WDR59: variants seen among roughly 807,000 people sequenced by gnomAD.
WDR59 encodes the protein WD repeat domain 59, also known as GATOR2 complex protein WDR59.
In WDR59, 100 loss-of-function variants were observed where a neutral mutation model predicts 131.2. The observed-to-expected ratio is 0.76, with a 90% confidence interval of 0.65 to 0.90. The LOEUF (loss-of-function observed/expected upper bound fraction) is 0.90. Ranked by LOEUF, WDR59 falls within the 40% of genes least tolerant of loss-of-function variation. The pLI is 0.00. For synonymous variants in WDR59, 601 were observed against 466.2 expected (o/e 1.29, Z -3.72); for missense variants, 1,203 against 1,262.2 (o/e 0.95, Z 0.71).
Position 74,951,527 on chromosome 16 carries a change from T to C in WDR59, c.257A>G (p.Asp86Gly), listed in dbSNP as rs1303368202. ...YFAASSNQRVDLYKWKDGSGE... is the reference protein window; with the variant it reads ...YFAASSNQRVGLYKWKDGSGE... ...ACTGCCGTCTTTCCACTTGTAAAGG[T>C]CTACTCGTTGGTTACTCTGAAAAGA... Residue 86 changes from aspartate (D) to glycine (G), a missense_variant, in exon 4 of 26, where the codon GAC becomes GGC. Asp to Gly is a moderately conservative substitution (Grantham distance 94). Coordinates refer to ENST00000262144, the MANE Select transcript of WDR59 (RefSeq NM_030581.4). 12 of 1,597,826 alleles carry C rather than the reference T, an allele frequency of 7.5e-6. No individual in the cohort carries two copies. The highest frequency in any genetic ancestry group is 1.7e-4 in the Middle Eastern group (1 of 6,056).
At chr16:74,958,825 G>C (rs894228803) in intron 2 of WDR59, among the ~76,000 whole-genome samples, 9 of 135,008 alleles carry the variant, frequency 6.7e-5, no homozygotes, top group Admixed American at 2.3e-4. Context: ...CACTGTGGGA[G>C]GCCGAGGCGG....
intron 3 of WDR59, among the ~76,000 whole-genome samples, chr16:74,955,161 C>T (rs753443501): frequency 1.3e-5 from 2 of 152,190 alleles, no homozygotes; most frequent in South Asian, 2.1e-4. Flanking sequence ...CGAACAAATG[C>T]AGTGTTAATC....
chr16:74,900,005 C>T (rs1965472787), intron 18 of WDR59, among the ~76,000 whole-genome samples: 1 of 152,082 alleles, frequency 6.6e-6, no homozygotes. Context: ...CTTTTAGTCA[C>T]ATTTCAAGGT....
intron 18 of WDR59, among the ~76,000 whole-genome samples, chr16:74,901,702 T>G (rs9926494): frequency 0.075 from 11,172 of 149,592 alleles, 1,081 homozygotes; most frequent in African/African-American, 0.23. Flanking sequence ...AGAAATTTAG[T>G]AGACTGGAAT....
intron 1 of WDR59, chr16:74,979,005 A>G (rs1208842109): frequency 6.6e-6 from 1 of 152,210 alleles, no homozygotes; most frequent in Non-Finnish European, 1.5e-5. Context: ...ACATTCCAGC[A>G]TCTTACCTTT....
intron 3 of WDR59, among the ~76,000 whole-genome samples, chr16:74,954,640 T>C (rs1216688024): frequency 3.9e-5 from 6 of 152,172 alleles, no homozygotes; most frequent in Non-Finnish European, 7.3e-5. Context: ...GCAATTCCAC[T>C]CTTAGATGTT....
At position 74,956,526 on chromosome 16, in the gene WDR59, T is replaced by A. The variant is rs1055510658; in HGVS notation, c.189A>T (p.Gly63=). 1 of 1,614,030 alleles carries A rather than the reference T, an allele frequency of 6.2e-7. No homozygotes were observed. The highest frequency in any genetic ancestry group is 8.5e-7 in the Non-Finnish European group (1 of 1,180,020). Residue 63 remains glycine, a synonymous_variant, in exon 3 of 26, where the codon GGA becomes GGT. Transcript: ENST00000262144. ...KISRQSKWDI[G]AVQWNPHDSF... is the part of the protein sequence containing the mutation. ...TGTCATGAGGATTCCACTGCACAGCTCCAATGTCCCATTTGCTCTGGCGAG... is the reference window on the plus strand; with the variant it reads ...TGTCATGAGGATTCCACTGCACAGCACCAATGTCCCATTTGCTCTGGCGAG...
At chr16:74,961,256 C>T (rs192603630) in intron 2 of WDR59, among the ~76,000 whole-genome samples, 5 of 152,036 alleles carry the variant, frequency 3.3e-5, no homozygotes, top group Admixed American at 3.3e-4. Flanking sequence ...TGCAGTGAGC[C>T]GTGATCTGCA....
At chr16:74,922,681 A>G (rs1282210188) in intron 9 of WDR59, among the ~76,000 whole-genome samples, 1 of 152,224 alleles carries the variant, frequency 6.6e-6, no homozygotes, top group Non-Finnish European at 1.5e-5. Context: ...GTTGATAATT[A>G]GACTCTGTTA....
At chr16:74,964,493 T>C (rs1387926425) in intron 2 of WDR59, among the ~76,000 whole-genome samples, 1 of 151,558 alleles carries the variant, frequency 6.6e-6, no homozygotes, top group East Asian at 1.9e-4. Flanking sequence ...TCCAGGGAGG[T>C]GGTCAGAGGT....
chr16:74,943,577 C>T (rs894090381), intron 6 of WDR59, among the ~76,000 whole-genome samples: 1 of 152,180 alleles, frequency 6.6e-6, no homozygotes, highest in African/African-American at 2.4e-5. Context: ...CACAGTGGCA[C>T]CTCTAGCTGA....
intron 2 of WDR59, among the ~76,000 whole-genome samples, chr16:74,957,847 C>T (rs561294755): frequency 6.6e-6 from 1 of 152,050 alleles, no homozygotes; most frequent in East Asian, 1.9e-4. Flanking sequence ...AAATGGCATA[C>T]AAAACTCTAG....
rs769595260 is a variant in WDR59 at position 74,888,341 on chromosome 16, A to T, written c.2196-22T>A. 37 of 1,606,012 alleles carry T rather than the reference A, an allele frequency of 2.3e-5. No individual in the cohort carries two copies. In the East Asian group the frequency reaches 7.8e-4, roughly 34 times the overall value. ...CAACCTGAGGAAAAGATAAGAGGAA[A>T]GAAAACAAGTCAGGAGGAGGGATTG... On this transcript the variant is annotated intron_variant, in intron 21 of 25. Coordinates refer to ENST00000262144, the MANE Select transcript of WDR59 (RefSeq NM_030581.4).
chr16:74,886,340 G>A lies in WDR59; in HGVS notation c.2476C>T (p.Leu826Phe). The A allele has an allele frequency of 1.9e-6, 3 of 1,614,026 alleles. No individual in the cohort carries two copies. Among genetic ancestry groups the A allele is most frequent in the Non-Finnish European group, 2.5e-6 (3 of 1,180,014 alleles). The change falls in exon 24 of 26, where the codon CTC becomes TTC. Residue 826 changes from leucine (L) to phenylalanine (F), a missense_variant. By Grantham distance (22) the Leu-to-Phe change is conservative. Transcript: ENST00000262144. Reference protein sequence around the residue: ...SPWGESSPEELRFGSLTYSDP... With the variant: ...SPWGESSPEEFRFGSLTYSDP... ...CTGTAGGTCAGACTCCCAAAGCGGAGCTCTTCTGGTGAGGATTCTCCCCAA... is the reference window on the plus strand; with the variant it reads ...CTGTAGGTCAGACTCCCAAAGCGGAACTCTTCTGGTGAGGATTCTCCCCAA...
intron 1 of WDR59, 74 bp downstream of exon 1, chr16:74,984,890 C>T: frequency 3.8e-6 from 6 of 1,563,520 alleles, no homozygotes; most frequent in Non-Finnish European, 5.2e-6. Flanking sequence ...CCCCCCGGGA[C>T]GGAAGCAGCC....
Position 74,923,935 on chromosome 16 carries a change from G to A in WDR59, c.720C>T (p.Ala240=), listed in dbSNP as rs773914559. ...AGGGTGGCTCACTCACTGTGTATCT[G>A]GCCTTCCAGACAGGCACCTGGCAAG... is the stretch of plus-strand genomic sequence containing the variant. ...ILPCQVPVWK[A]RYTPFSNGLV... is the part of the protein sequence containing the mutation. Residue 240 remains alanine, a synonymous_variant, in exon 9 of 26, where the codon GCC becomes GCT. Transcript: ENST00000262144. 5.8e-5 allele frequency: 93 copies of A among 1,613,266 alleles called. No homozygotes were observed. The highest frequency in any genetic ancestry group is 7.1e-5 in the Non-Finnish European group (84 of 1,179,920).
intron 23 of WDR59, among the ~76,000 whole-genome samples, chr16:74,887,225 T>G (rs72798613): frequency 0.15 from 23,522 of 152,114 alleles, 1,972 homozygotes; most frequent in Middle Eastern, 0.21. Flanking sequence ...TCAGGAAAAT[T>G]AAGATCATTT....
intron 16 of WDR59, 33 bp downstream of exon 16, chr16:74,909,468 G>C: frequency 6.6e-7 from 1 of 1,508,162 alleles, no homozygotes; most frequent in Non-Finnish European, 8.8e-7. Flanking sequence ...GCTCCCTCTC[G>C]AAATCTAGAA....
In WDR59 at chr16:74,896,611, G is replaced by A. The variant is rs368187352; in HGVS notation, c.1867-2799C>T. ...GGTCGCGCCCCTGCACTCCAGCCTG[G>A]GCAACAGAGCAAGACCCTGCCTAAA... is the stretch of plus-strand genomic sequence containing the variant. On this transcript the variant is annotated intron_variant, in intron 18 of 25. Transcript: ENST00000262144. Among the ~76,000 whole-genome samples, 4 of 150,308 alleles carry A rather than the reference G, an allele frequency of 2.7e-5. No homozygotes were observed. In the East Asian group the frequency reaches 5.8e-4, roughly 22 times the overall value.
Sources: allele counts gnomAD v4.1 joint callset (sites outside exome capture counted in the v4.1 genomes callset), GRCh38; gene constraint gnomAD v4.1.1; transcripts MANE v1.5; gene names NCBI Gene and HGNC (gene_info 2026-07-23, HGNC 2026-07-21).